UMAD1: variants seen among roughly 807,000 people sequenced by gnomAD.
UMAD1 encodes the protein UBAP1-MVB12-associated (UMA) domain containing 1, also known as UBAP1-MVB12-associated (UMA)-domain containing protein 1.
In UMAD1, 8 loss-of-function variants were observed where a neutral mutation model predicts 6.1. The ratio of observed to expected loss-of-function variants is 1.30; its 90% CI spans 0.76 to 2.35. The LOEUF is 2.35. Among genes scored for constraint, UMAD1 ranks in the 30% most tolerant of loss-of-function variants. UMAD1 has a pLI of 0.00. For synonymous variants in UMAD1, 56 were observed against 31.4 expected (o/e 1.78, Z -2.61); for missense variants, 130 against 78.4 (o/e 1.66, Z -2.49).
At chr7:7,775,088 C>T (rs927263364) in intron 2 of UMAD1, among the ~76,000 whole-genome samples, 6 of 152,204 alleles carry the variant, frequency 3.9e-5, no homozygotes, top group African/African-American at 1.4e-4. Flanking sequence ...TTTTCACTGC[C>T]AAAATTTTCC....
At chr7:7,642,475 T>C (rs2115541799) in intron 1 of UMAD1, among the ~76,000 whole-genome samples, 1 of 152,160 alleles carries the variant, frequency 6.6e-6, no homozygotes, top group South Asian at 2.1e-4. Context: ...AGTGATTTTT[T>C]TTTTTTTTAA....
intron 3 of UMAD1, among the ~76,000 whole-genome samples, chr7:7,853,573 T>C (rs560679339): frequency 6.6e-6 from 1 of 152,306 alleles, no homozygotes; most frequent in African/African-American, 2.4e-5. Context: ...TTTGATAGTA[T>C]TGTAAATGAA....
At chr7:7,781,352 G>A (rs1264964611) in intron 2 of UMAD1, among the ~76,000 whole-genome samples, 1 of 151,706 alleles carries the variant, frequency 6.6e-6, no homozygotes, top group African/African-American at 2.4e-5. Context: ...AAATAATCTG[G>A]TTATTCTTGC....
chr7:7,679,627 T>G (rs1433599261), intron 2 of UMAD1, among the ~76,000 whole-genome samples: 2 of 57,656 alleles, frequency 3.5e-5, no homozygotes, highest in African/African-American at 1.5e-4. Context: ...AAATATATAT[T>G]TATATATTTA....
intron 2 of UMAD1, among the ~76,000 whole-genome samples, chr7:7,777,462 A>AACC (rs1489762868): frequency 6.7e-6 from 1 of 148,946 alleles, no homozygotes; most frequent in Non-Finnish European, 1.5e-5. Context: ...GCTGAGATTG[A>AACC]ACCACCGCAC....
At chr7:7,654,819 G>T (rs895092866) in intron 1 of UMAD1, among the ~76,000 whole-genome samples, 3 of 150,958 alleles carry the variant, frequency 2.0e-5, no homozygotes, top group African/African-American at 7.3e-5. Context: ...CAGGAGAATC[G>T]CTTGAACCTG....
At chr7:7,820,197 A>G (rs2115295000) in intron 3 of UMAD1, among the ~76,000 whole-genome samples, 1 of 152,216 alleles carries the variant, frequency 6.6e-6, no homozygotes, top group East Asian at 1.9e-4. Flanking sequence ...ACAGGAGAGT[A>G]TGAGAATTAT....
intron 3 of UMAD1, among the ~76,000 whole-genome samples, chr7:7,850,465 T>C (rs1014908364): frequency 8.5e-5 from 13 of 152,092 alleles, no homozygotes; most frequent in African/African-American, 3.1e-4. Flanking sequence ...CCCCAAAGAA[T>C]TGTATCTTTT....
At position 7,870,899 on chromosome 7, in the gene UMAD1, TTTGGTGGAACACTTTGCC is replaced by T. The variant is rs781730625; in HGVS notation, c.157-6381_157-6364del. 1.4e-3 allele frequency among the ~76,000 whole-genome samples: 213 copies of T among 152,320 alleles called. 1 individual carries two copies. The highest frequency in any genetic ancestry group is 2.7e-3 in the Non-Finnish European group (186 of 68,030). ...GAAATTCACATCATCCTAGGAGGCA[TTTGGTGGAACACTTTGCC>T]CATCGTATTGTTAAACTAATTTTTA... is the stretch of plus-strand genomic sequence containing the variant. On this transcript the variant is annotated intron_variant, in intron 3 of 3. Transcript: ENST00000682710.
intron 2 of UMAD1, among the ~76,000 whole-genome samples, chr7:7,773,454 C>T (rs12702644): frequency 0.25 from 37,470 of 152,074 alleles, 5,625 homozygotes; most frequent in East Asian, 0.37. Context: ...AGAGCATACA[C>T]TTACTTTATG....
chr7:7,689,885 C>T (rs905093876), intron 2 of UMAD1, among the ~76,000 whole-genome samples: 1 of 152,176 alleles, frequency 6.6e-6, no homozygotes, highest in African/African-American at 2.4e-5. Context: ...TAGTGATTAA[C>T]AACCATAGTA....
At position 7,828,140 on chromosome 7, in the gene UMAD1, A is replaced by G. The variant is rs372140778; in HGVS notation, c.156+26397A>G. Among the ~76,000 whole-genome samples the G allele has an allele frequency of 1.1e-4, 17 of 152,314 alleles. No individual in the cohort carries two copies. The East Asian group carries it at 1.7e-3, about 16-fold the overall frequency. On this transcript the variant is annotated intron_variant, in intron 3 of 3. Transcript: ENST00000682710. ...ATGAAAACCTTTCATCAATTTCAAA[A>G]TATCTTCACAGAATTCATTTGAATT...
At chr7:7,790,805 C>G (rs1782554423) in intron 2 of UMAD1, among the ~76,000 whole-genome samples, 1 of 152,166 alleles carries the variant, frequency 6.6e-6, no homozygotes, top group African/African-American at 2.4e-5. Flanking sequence ...CTGTCTTCAT[C>G]TAGTTATCAC....
intron 2 of UMAD1, among the ~76,000 whole-genome samples, chr7:7,673,866 A>G (rs1285962673): frequency 6.6e-6 from 1 of 152,216 alleles, no homozygotes; most frequent in African/African-American, 2.4e-5. Context: ...TAGACTTTAA[A>G]ATCTAAATAT....
At chr7:7,656,076 C>G (rs1785334751) in intron 1 of UMAD1, among the ~76,000 whole-genome samples, 1 of 152,106 alleles carries the variant, frequency 6.6e-6, no homozygotes, top group South Asian at 2.1e-4. Flanking sequence ...CTCAGGTGAT[C>G]CGCCTGCCTC....
At chr7:7,734,238 G>A (rs1200489567) in intron 2 of UMAD1, among the ~76,000 whole-genome samples, 7 of 151,992 alleles carry the variant, frequency 4.6e-5, no homozygotes. Context: ...AGCCCCCTGT[G>A]GTATGATTTT....
chr7:7,686,803 G>A (rs1780051932), intron 2 of UMAD1, among the ~76,000 whole-genome samples: 1 of 152,130 alleles, frequency 6.6e-6, no homozygotes, highest in African/African-American at 2.4e-5. Context: ...GAAGTTTCTG[G>A]CCAATGGGAT....
At chr7:7,705,695 C>G (rs1261327197) in intron 2 of UMAD1, among the ~76,000 whole-genome samples, 2 of 151,996 alleles carry the variant, frequency 1.3e-5, no homozygotes, top group Non-Finnish European at 2.9e-5. Context: ...TGAAACTACT[C>G]TTATGTTAAT....
At chr7:7,772,471 A>C (rs574289746) in intron 2 of UMAD1, 2 of 152,200 alleles carry the variant, frequency 1.3e-5, no homozygotes, top group African/African-American at 4.8e-5. Context: ...TAATATATAC[A>C]GTCTCTGAGT....
Sources: allele counts gnomAD v4.1 joint callset (sites outside exome capture counted in the v4.1 genomes callset), GRCh38; gene constraint gnomAD v4.1.1; transcripts MANE v1.5; gene names NCBI Gene and HGNC (gene_info 2026-07-23, HGNC 2026-07-21).